Variants in SAMMSON observed in about 807,000 individuals in gnomAD.
SAMMSON encodes the protein survival associated mitochondrial melanoma specific oncogenic non-coding RNA, also known as long intergenic non-protein coding RNA 1212.
At chr3:70,001,594 G>C (rs930499046) in intron 1 of SAMMSON, among the ~76,000 whole-genome samples, 1 of 151,998 alleles carries the variant, frequency 6.6e-6, no homozygotes, top group African/African-American at 2.4e-5. Context: ...TGTAGAGGAT[G>C]CATTTTCTAC....
At chr3:70,391,466 C>T (rs559282069), downstream of SAMMSON, among the ~76,000 whole-genome samples, 15 of 125,924 alleles carry the variant, frequency 1.2e-4, no homozygotes, top group Admixed American at 3.4e-4. Context: ...TAGCCAGGTG[C>T]CAGTAATATT....
intron 9 of SAMMSON, among the ~76,000 whole-genome samples, chr3:70,366,460 GT>G (rs1289904114): frequency 9.5e-6 from 1 of 105,326 alleles, no homozygotes; most frequent in African/African-American, 3.3e-5. Context: ...TTCCATGTCT[GT>G]TTTTTTGTTT....
intron 6 of SAMMSON, among the ~76,000 whole-genome samples, chr3:70,286,800 T>C (rs1702169293): frequency 6.6e-6 from 1 of 152,172 alleles, no homozygotes; most frequent in African/African-American, 2.4e-5. Context: ...GATTCCTAGG[T>C]ATTTTATTCT....
chr3:70,276,466 A>C (rs1702027575), intron 6 of SAMMSON, among the ~76,000 whole-genome samples: 1 of 152,184 alleles, frequency 6.6e-6, no homozygotes, highest in African/African-American at 2.4e-5. Context: ...TTTTTAGGAT[A>C]ATACTTAGAA....
chr3:70,141,872 T>C (rs1396547750), intron 4 of SAMMSON, among the ~76,000 whole-genome samples: 1 of 152,154 alleles, frequency 6.6e-6, no homozygotes, highest in Non-Finnish European at 1.5e-5. Flanking sequence ...TCCTTCCTAG[T>C]GCTATGTTGC....
intron 6 of SAMMSON, among the ~76,000 whole-genome samples, chr3:70,282,210 T>C (rs1183654240): frequency 1.3e-5 from 2 of 152,116 alleles, no homozygotes; most frequent in Non-Finnish European, 2.9e-5. Flanking sequence ...TTCCTGGCAG[T>C]ATTTGCTGTC....
chr3:70,414,596 C>A (rs1575644555), intron 2 of SAMMSON, among the ~76,000 whole-genome samples: 1 of 152,204 alleles, frequency 6.6e-6, no homozygotes, highest in East Asian at 1.9e-4. Flanking sequence ...GAATCAAAAT[C>A]AGAGTCCAAA....
At chr3:70,011,529 T>G (rs1442545309) in intron 1 of SAMMSON, among the ~76,000 whole-genome samples, 1 of 152,014 alleles carries the variant, frequency 6.6e-6, no homozygotes, top group Non-Finnish European at 1.5e-5. Context: ...GACCCCTGAG[T>G]GCTTTCATTT....
At chr3:70,271,910 C>T (rs113256151) in intron 6 of SAMMSON, 7 of 152,118 alleles carry the variant, frequency 4.6e-5, no homozygotes, top group African/African-American at 1.4e-4. Context: ...CTTACAGGCA[C>T]CTGCCATCAT....
intron 4 of SAMMSON, among the ~76,000 whole-genome samples, chr3:70,081,736 G>T (rs902831995): frequency 1.3e-5 from 2 of 152,208 alleles, no homozygotes; most frequent in African/African-American, 2.4e-5. Context: ...TCTCTTATTT[G>T]AGTTTGATAA....
At chr3:70,172,503 G>C (rs2106700318) in intron 4 of SAMMSON, 1 of 151,884 alleles carries the variant, frequency 6.6e-6, no homozygotes, top group African/African-American at 2.4e-5. Flanking sequence ...TATAAGTGTT[G>C]GTTTTATTTC....
At chr3:70,033,680 G>C (rs2067074330) in intron 3 of SAMMSON, among the ~76,000 whole-genome samples, 2 of 152,158 alleles carry the variant, frequency 1.3e-5, no homozygotes, top group African/African-American at 4.8e-5. Flanking sequence ...TAACAGGCCA[G>C]GTGAGAGAGG....
At chr3:70,100,360 C>T (rs1356237293) in intron 4 of SAMMSON, among the ~76,000 whole-genome samples, 1 of 152,052 alleles carries the variant, frequency 6.6e-6, no homozygotes, top group Non-Finnish European at 1.5e-5. Context: ...GTTGCTCAGG[C>T]TGGTCTCGAA....
chr3:70,062,039 C>G (rs535415770), intron 3 of SAMMSON, among the ~76,000 whole-genome samples: 6 of 152,236 alleles, frequency 3.9e-5, no homozygotes, highest in Admixed American at 2.0e-4. Context: ...ATTCTACAGG[C>G]AAACCCTCCA....
At chr3:70,428,072 A>G (rs1376011711) in intron 2 of SAMMSON, among the ~76,000 whole-genome samples, 2 of 152,192 alleles carry the variant, frequency 1.3e-5, no homozygotes, top group Non-Finnish European at 2.9e-5. Context: ...ATTGAAAACT[A>G]TAAAATACTG....
chr3:70,359,625 T>G (rs1055918296), intron 9 of SAMMSON, among the ~76,000 whole-genome samples: 2 of 152,154 alleles, frequency 1.3e-5, no homozygotes, highest in African/African-American at 4.8e-5. Context: ...GAGCCTTTTC[T>G]CTGTTCTGTA....
At chr3:70,126,113 G>A (rs2067457477) in intron 4 of SAMMSON, 4 of 1,256,894 alleles carry the variant, frequency 3.2e-6, no homozygotes, top group Non-Finnish European at 4.5e-6. Context: ...CTGTTTGTTA[G>A]GATTGTGCTG....
chr3:70,092,269 T>A (rs917369170), intron 4 of SAMMSON, among the ~76,000 whole-genome samples: 1 of 152,080 alleles, frequency 6.6e-6, no homozygotes, highest in Admixed American at 6.6e-5. Flanking sequence ...TTAAGTTTTG[T>A]GGGCACATAG....
At chr3:70,182,359 A>G (rs1425745852) in intron 4 of SAMMSON, among the ~76,000 whole-genome samples, 1 of 152,100 alleles carries the variant, frequency 6.6e-6, no homozygotes, top group Admixed American at 6.5e-5. Context: ...GCCCATATAG[A>G]TTCTGGCTTC....
Sources: gnomAD v4.1 joint callset for allele counts (sites outside exome capture counted in the v4.1 genomes callset) on GRCh38, gnomAD v4.1.1 for gene constraint, MANE v1.5 for transcripts, NCBI Gene and HGNC (gene_info 2026-07-23, HGNC 2026-07-21) for gene names.